CACNG3: variants seen among roughly 807,000 people sequenced by gnomAD.
CACNG3 encodes the protein calcium voltage-gated channel auxiliary subunit gamma 3.
Under a neutral mutation model 28.5 loss-of-function variants are expected in CACNG3, and 3 were observed. That is an observed-to-expected ratio of 0.11 (90% CI 0.05 to 0.27). CACNG3 has a LOEUF of 0.27. CACNG3 is among the 10% of genes least tolerant of loss of function. The probability of loss-of-function intolerance (pLI) is 1.00; values close to 1 mark genes in which losing one functional copy is unlikely to be tolerated. For synonymous variants in CACNG3, 174 were observed against 162.2 expected, an observed-to-expected ratio of 1.07 and a Z score of -0.55; for missense variants, 236 against 414.4, an observed-to-expected ratio of 0.57 and a Z score of 3.74.
At chr16:24,314,871 G>T (rs753029083) in intron 1 of CACNG3, among the ~76,000 whole-genome samples, 2 of 151,904 alleles carry the variant, frequency 1.3e-5, no homozygotes, top group South Asian at 2.1e-4. Context: ...GGGGCTGCAG[G>T]TTCCGAGGGT....
At position 24,361,329 on chromosome 16, in the gene CACNG3, T is replaced by C; in HGVS notation, c.437-23T>C. ...CTCTCCGAGGTGTATAAAGGACGTG[T>C]TTTTCTTTTCCCCTTCTCTTAGGGT... On this transcript the variant is annotated intron_variant, in intron 3 of 3. Coordinates refer to ENST00000005284, the MANE Select transcript of CACNG3 (RefSeq NM_006539.4). The surrounding 1 kb of genome is among the most constrained non-coding windows in gnomAD (Gnocchi z 6.8). The C allele has an allele frequency of 6.5e-7, 1 of 1,543,924 alleles. No homozygotes were observed. The highest frequency in any genetic ancestry group is 8.7e-7 in the Non-Finnish European group (1 of 1,146,072).
At chr16:24,321,412 G>A (rs952181554) in intron 1 of CACNG3, among the ~76,000 whole-genome samples, 10 of 152,104 alleles carry the variant, frequency 6.6e-5, no homozygotes, top group Admixed American at 5.2e-4. Flanking sequence ...CTGCACTCCC[G>A]CCTGGGCAAT....
intron 1 of CACNG3, among the ~76,000 whole-genome samples, chr16:24,327,444 A>T (rs62030060): frequency 5.7e-5 from 6 of 104,366 alleles, no homozygotes; most frequent in African/African-American, 2.5e-4. Context: ...GTGTGTATAT[A>T]TATATATATA....
chr16:24,335,841 A>G (rs140981569), intron 1 of CACNG3, among the ~76,000 whole-genome samples: 1 of 152,122 alleles, frequency 6.6e-6, no homozygotes, highest in Non-Finnish European at 1.5e-5. Flanking sequence ...TTGAGAGGCC[A>G]AGGCAGGCAG....
At chr16:24,281,634 G>T (rs551758204) in intron 1 of CACNG3, among the ~76,000 whole-genome samples, 1 of 152,082 alleles carries the variant, frequency 6.6e-6, no homozygotes, top group Non-Finnish European at 1.5e-5. Context: ...GCAGACAAAG[G>T]GTCCCCGAAA....
rs562926839 is a variant in CACNG3 at position 24,331,748 on chromosome 16, G to T, written c.212-14986G>T. On this transcript the variant is annotated intron_variant, in intron 1 of 3. Transcript: ENST00000005284. The stretch of plus-strand genomic sequence containing the variant: ...CCCCCTCACTCATTCTGCTCCAGTT[G>T]CCCTGAGCTTGTCTTGGTTCTAGAA... 9.2e-5 allele frequency among the ~76,000 whole-genome samples: 14 copies of T among 152,228 alleles called. No homozygotes were observed. The East Asian group carries it at 2.5e-3, about 27-fold the overall frequency.
intron 1 of CACNG3, among the ~76,000 whole-genome samples, chr16:24,277,675 G>A (rs1006419266): frequency 1.3e-5 from 2 of 151,818 alleles, no homozygotes; most frequent in African/African-American, 4.8e-5. Flanking sequence ...CTCTACTCAG[G>A]AGGCTGAGGC....
chr16:24,346,766 C>A lies in CACNG3; in HGVS notation c.244C>A (p.His82Asn), dbSNP rs755183039. ...AFRGVCKKID[H>N]FPEDADYEQD... Reference sequence around the variant, plus strand: ...CCGAGGCGTGTGCAAGAAAATCGATCACTTCCCTGAAGATGCTGACTACGA... The same window carrying A: ...CCGAGGCGTGTGCAAGAAAATCGATAACTTCCCTGAAGATGCTGACTACGA... Residue 82 changes from histidine to asparagine, a missense_variant, in exon 2 of 4, where the codon CAC (histidine) becomes AAC (asparagine). Coordinates refer to ENST00000005284, the MANE Select transcript of CACNG3 (RefSeq NM_006539.4). 1 of 1,614,128 alleles carries A rather than the reference C, an allele frequency of 6.2e-7. No homozygotes were observed. Among genetic ancestry groups the A allele is most frequent in the Non-Finnish European group, 8.5e-7 (1 of 1,179,970 alleles).
intron 1 of CACNG3, among the ~76,000 whole-genome samples, chr16:24,339,771 T>A (rs1899759547): frequency 6.6e-6 from 1 of 152,218 alleles, no homozygotes; most frequent in South Asian, 2.1e-4. Flanking sequence ...TTATAACTCT[T>A]AATTCTGTTT....
intron 1 of CACNG3, among the ~76,000 whole-genome samples, chr16:24,327,629 A>AAAAAC (rs149937641): frequency 4.0e-5 from 6 of 150,142 alleles, no homozygotes; most frequent in South Asian, 2.1e-4. Flanking sequence ...CAAAAAAAAC[A>AAAAAC]AAAACAAAAC....
chr16:24,353,224 C>T (rs1368211579), intron 2 of CACNG3, among the ~76,000 whole-genome samples: 1 of 152,142 alleles, frequency 6.6e-6, no homozygotes, highest in Non-Finnish European at 1.5e-5. Flanking sequence ...ATCCACCCAC[C>T]TCTGCCTCCC....
At chr16:24,351,757 A>AAGAGAG (rs201001313) in intron 2 of CACNG3, among the ~76,000 whole-genome samples, 4 of 141,790 alleles carry the variant, frequency 2.8e-5, no homozygotes, top group South Asian at 2.2e-4. Flanking sequence ...GGAAGGAAGG[A>AAGAGAG]AGAGAGAGAG....
chr16:24,263,284 A>T (rs74930553), intron 1 of CACNG3, among the ~76,000 whole-genome samples: 1 of 152,220 alleles, frequency 6.6e-6, no homozygotes, highest in Non-Finnish European at 1.5e-5. Flanking sequence ...TGAAAAAAAA[A>T]TAGAACATCC....
chr16:24,359,853 A>T (rs1268884094), intron 3 of CACNG3, among the ~76,000 whole-genome samples: 1 of 151,214 alleles, frequency 6.6e-6, no homozygotes, highest in Admixed American at 6.6e-5. Flanking sequence ...AGAGAGCAAG[A>T]TCCTATCTCT....
intron 1 of CACNG3, among the ~76,000 whole-genome samples, chr16:24,272,029 A>G (rs914743643): frequency 6.6e-6 from 1 of 152,164 alleles, no homozygotes; most frequent in African/African-American, 2.4e-5. Flanking sequence ...GAGGGGAAAG[A>G]GAACATGGAA....
At chr16:24,293,341 C>T (rs1596630846) in intron 1 of CACNG3, among the ~76,000 whole-genome samples, 1 of 152,230 alleles carries the variant, frequency 6.6e-6, no homozygotes, top group East Asian at 1.9e-4. Context: ...TCCTCCAACT[C>T]TGATGTTCAT....
chr16:24,331,450 G>T (rs1899630087), intron 1 of CACNG3, among the ~76,000 whole-genome samples: 1 of 152,162 alleles, frequency 6.6e-6, no homozygotes, highest in Admixed American at 6.5e-5. Flanking sequence ...ACTCTGGCTT[G>T]ATCACTGTTC....
Position 24,317,600 on chromosome 16 carries a change from AAG to A in CACNG3, c.212-29132_212-29131del, listed in dbSNP as rs1169462754. On this transcript the variant is annotated intron_variant, in intron 1 of 3. Coordinates refer to ENST00000005284, the MANE Select transcript of CACNG3 (RefSeq NM_006539.4). ...AAAGAAAGAAAGAAAGAAAGAAAGA[AAG>A]AAAGAAAGAAAGAAAGAAAGAAAGA... is the stretch of plus-strand genomic sequence containing the variant. Among the ~76,000 whole-genome samples the A allele has an allele frequency of 8.2e-5, 6 of 73,516 alleles. 1 individual carries two copies. Among genetic ancestry groups the A allele is most frequent in the East Asian group, 3.6e-4 (1 of 2,772 alleles). 48.2% of individuals were successfully genotyped at this position (73,516 alleles called of 152,430 possible).
At chr16:24,292,898 C>A (rs1374066226) in intron 1 of CACNG3, among the ~76,000 whole-genome samples, 1 of 152,092 alleles carries the variant, frequency 6.6e-6, no homozygotes, top group East Asian at 1.9e-4. Flanking sequence ...AGGAAAGAAC[C>A]AGAGAGGATG....
Sources: gnomAD v4.1 joint callset for allele counts (sites outside exome capture counted in the v4.1 genomes callset) on GRCh38, gnomAD v4.1.1 for gene constraint, Gnocchi (gnomAD v3.1) non-coding constraint, MANE v1.5 for transcripts, NCBI Gene and HGNC (gene_info 2026-07-23, HGNC 2026-07-21) for gene names.